The following AKR1C3 variants were observed in gnomAD, a reference collection of about 807,000 sequenced individuals.
AKR1C3 encodes 3-alpha hydroxysteroid dehydrogenase, type II.
Under a neutral mutation model 43.6 loss-of-function variants are expected in AKR1C3, and 48 were observed. The ratio of observed to expected loss-of-function variants is 1.10; its 90% CI spans 0.87 to 1.40. AKR1C3 has a LOEUF of 1.40. Ranked by LOEUF, AKR1C3 falls within the 40% of genes most tolerant of loss-of-function variation. AKR1C3 has a pLI of 0.00. For missense variants in AKR1C3, 482 were observed against 391.2 expected, an observed-to-expected ratio of 1.23 and a Z score of -1.96; for synonymous variants, 162 against 139.6, an observed-to-expected ratio of 1.16 and a Z score of -1.13.
At chr10:5,063,433 T>A (rs184592077) in intron 1 of AKR1C3, among the ~76,000 whole-genome samples, 91 of 152,204 alleles carry the variant, frequency 6.0e-4, no homozygotes, top group Non-Finnish European at 1.2e-3. Flanking sequence ...AAAAATCACA[T>A]AACCTTACGA....
intron 1 of AKR1C3, among the ~76,000 whole-genome samples, chr10:5,062,185 C>G (rs1174539923): frequency 6.6e-6 from 1 of 152,186 alleles, no homozygotes; most frequent in Non-Finnish European, 1.5e-5. Context: ...CCTGGGCACA[C>G]TAACACTTTC....
intron 1 of AKR1C3, among the ~76,000 whole-genome samples, chr10:5,072,471 T>G (rs1838632031): frequency 6.6e-6 from 1 of 152,228 alleles, no homozygotes; most frequent in Admixed American, 6.5e-5. Context: ...ATTTGTAAAC[T>G]CTTCCTTAGT....
chr10:5,106,536 A>C (rs1363342585), intron 8 of AKR1C3, among the ~76,000 whole-genome samples: 5 of 152,160 alleles, frequency 3.3e-5, no homozygotes, highest in African/African-American at 1.2e-4. Context: ...AGATCGACTG[A>C]GGTCAGGAGT....
chr10:5,081,037 T>C (rs1348401898), intron 1 of AKR1C3: 4 of 151,992 alleles, frequency 2.6e-5, no homozygotes, highest in African/African-American at 9.7e-5. Flanking sequence ...CATAAAGATA[T>C]AGTAAGTGCA....
intron 4 of AKR1C3, 117 bp from the exon 5 acceptor site, chr10:5,099,210 T>C (rs547746927): frequency 6.5e-7 from 1 of 1,529,914 alleles, no homozygotes; most frequent in African/African-American, 1.4e-5. Flanking sequence ...TGACAATCAC[T>C]GCTAGCTATT....
intron 1 of AKR1C3, among the ~76,000 whole-genome samples, chr10:5,083,355 G>T (rs1437445293): frequency 6.6e-6 from 1 of 152,052 alleles, no homozygotes; most frequent in Non-Finnish European, 1.5e-5. Flanking sequence ...GTGATAGTTG[G>T]CTGAGAATGA....
chr10:5,062,452 G>T lies in AKR1C3; in HGVS notation c.84+13557G>T, dbSNP rs1343353301. ...ACACTCTAAAAATATTTGTAGCTGA[G>T]CTTTTCCCTCCAAACTCCAGGACAG... On this transcript the variant is annotated intron_variant, in intron 1 of 8. Transcript: ENST00000439082. 2.0e-5 allele frequency among the ~76,000 whole-genome samples: 3 copies of T among 152,132 alleles called. No individual in the cohort carries two copies. In the South Asian group the frequency reaches 6.2e-4, roughly 32 times the overall value.
intron 5 of AKR1C3, among the ~76,000 whole-genome samples, chr10:5,100,841 T>C (rs1554785854): frequency 5.3e-5 from 8 of 152,198 alleles, no homozygotes. Context: ...ACATAACCAT[T>C]TATATTCAAA....
At chr10:5,083,812 A>G (rs1838892099) in intron 1 of AKR1C3, among the ~76,000 whole-genome samples, 1 of 152,192 alleles carries the variant, frequency 6.6e-6, no homozygotes, top group Non-Finnish European at 1.5e-5. Context: ...TTTGATTTGT[A>G]TTTCTCTGAT....
At chr10:5,064,206 C>T (rs111489102) in intron 1 of AKR1C3, among the ~76,000 whole-genome samples, 6,001 of 152,204 alleles carry the variant, frequency 0.039, 406 homozygotes, top group African/African-American at 0.14. Flanking sequence ...CTCAAAGTCA[C>T]CCATGAGGGT....
At chr10:5,100,963 T>C (rs1839335157) in intron 5 of AKR1C3, among the ~76,000 whole-genome samples, 2 of 152,222 alleles carry the variant, frequency 1.3e-5, no homozygotes, top group South Asian at 4.1e-4. Context: ...ATTGGAAAGA[T>C]GACAATTCAC....
chr10:5,103,735 G>A (rs1355675991), intron 7 of AKR1C3, among the ~76,000 whole-genome samples: 2 of 152,140 alleles, frequency 1.3e-5, no homozygotes, highest in Admixed American at 6.5e-5. Flanking sequence ...GGGCTGCCAC[G>A]CCATTGCTTC....
chr10:5,078,580 T>A (rs1228504644), intron 1 of AKR1C3, among the ~76,000 whole-genome samples: 1 of 152,212 alleles, frequency 6.6e-6, no homozygotes, highest in Non-Finnish European at 1.5e-5. Context: ...GCAAGGCAGG[T>A]CATCAGCAAA....
At chr10:5,067,200 G>A (rs1564357525) in intron 1 of AKR1C3, among the ~76,000 whole-genome samples, 1 of 152,130 alleles carries the variant, frequency 6.6e-6, no homozygotes, top group South Asian at 2.1e-4. Context: ...CCCCATAAGT[G>A]CACATAACAG....
At chr10:5,067,955 G>A (rs1030420943) in intron 1 of AKR1C3, among the ~76,000 whole-genome samples, 5 of 152,134 alleles carry the variant, frequency 3.3e-5, no homozygotes, top group African/African-American at 9.7e-5. Flanking sequence ...TCCAAATTAG[G>A]TGCATTGTAC....
In AKR1C3 at chr10:5,066,588, T is replaced by C. The variant is rs1427257371; in HGVS notation, c.84+17693T>C. Among the ~76,000 whole-genome samples the C allele has an allele frequency of 3.3e-5, 5 of 152,286 alleles. No individual in the cohort carries two copies. In the East Asian group the frequency reaches 7.7e-4, roughly 24 times the overall value. ...AGCAACGAGACTATTATTATGACTA[T>C]TGGGAGCATAATACCTAGAGTTTGG... On this transcript the variant is annotated intron_variant, in intron 1 of 8. Transcript: ENST00000439082.
intron 1 of AKR1C3, among the ~76,000 whole-genome samples, chr10:5,064,679 A>G (rs1316586579): frequency 6.6e-6 from 1 of 152,176 alleles, no homozygotes; most frequent in Non-Finnish European, 1.5e-5. Context: ...TAAACAAAAT[A>G]ACAAGCAAAA....
intron 5 of AKR1C3, among the ~76,000 whole-genome samples, chr10:5,101,797 G>C (rs563883207): frequency 1.3e-5 from 2 of 152,180 alleles, no homozygotes; most frequent in East Asian, 1.9e-4. Context: ...AAGCCCAAAG[G>C]CTCTAAGAAT....
chr10:5,077,681 C>T (rs1381566440), intron 1 of AKR1C3: 3 of 1,109,416 alleles, frequency 2.7e-6, no homozygotes, highest in Non-Finnish European at 3.3e-6. Flanking sequence ...GGATGGTTTG[C>T]TTGCCATTGA....
Sources: gnomAD v4.1 joint callset for allele counts (sites outside exome capture counted in the v4.1 genomes callset) on GRCh38, gnomAD v4.1.1 for gene constraint, MANE v1.5 for transcripts, NCBI Gene and HGNC (gene_info 2026-07-23, HGNC 2026-07-21) for gene names.